DLG2: variants seen among roughly 807,000 people sequenced by gnomAD.
DLG2 encodes discs large MAGUK scaffold protein 2.
Under a neutral mutation model 132.5 loss-of-function variants are expected in DLG2, and 45 were observed. The observed-to-expected ratio is 0.34, with a 90% CI of 0.27 to 0.44. DLG2 has a LOEUF of 0.44. Among genes scored for constraint, DLG2 ranks in the 20% least tolerant of loss-of-function variants. The pLI, the probability that DLG2 is intolerant of heterozygous loss-of-function variation, is 1.00. For synonymous variants in DLG2, 424 were observed against 419.6 expected (o/e 1.01, Z -0.13); for missense variants, 1,045 against 1,196.9 (o/e 0.87, Z 1.87).
At chr11:83,769,603 G>A (rs1011702071) in intron 18 of DLG2, among the ~76,000 whole-genome samples, 3 of 140,086 alleles carry the variant, frequency 2.1e-5, no homozygotes, top group Admixed American at 7.8e-5. Context: ...CACTCTTGTC[G>A]CCCAGGCTGG....
At chr11:84,430,434 TCTC>T (rs1336375483) in intron 7 of DLG2, among the ~76,000 whole-genome samples, 1 of 116,272 alleles carries the variant, frequency 8.6e-6, no homozygotes. Context: ...GGAGACTCCA[TCTC>T]AAAAAAAAAA....
intron 3 of DLG2, among the ~76,000 whole-genome samples, chr11:85,400,800 G>A (rs1287645767): frequency 6.6e-6 from 1 of 151,630 alleles, no homozygotes; most frequent in East Asian, 1.9e-4. Flanking sequence ...GGGGAGAGGG[G>A]AGGGATAGCA....
chr11:85,448,641 C>T (rs1257788745), intron 3 of DLG2, among the ~76,000 whole-genome samples: 1 of 152,106 alleles, frequency 6.6e-6, no homozygotes, highest in African/African-American at 2.4e-5. Flanking sequence ...AATGAAATAT[C>T]CCACTCTTGT....
At chr11:83,998,951 G>A (rs11233872) in intron 11 of DLG2, among the ~76,000 whole-genome samples, 16,221 of 152,252 alleles carry the variant, frequency 0.11, 1,105 homozygotes, top group Non-Finnish European at 0.15. Context: ...ATTGGGGACT[G>A]AAGCATAAGT....
chr11:83,838,664 A>C (rs1311375318), intron 16 of DLG2, among the ~76,000 whole-genome samples: 1 of 152,190 alleles, frequency 6.6e-6, no homozygotes, highest in African/African-American at 2.4e-5. Context: ...CTGGCATTCC[A>C]TCAACACTAG....
chr11:83,573,100 A>C (rs747195457), intron 19 of DLG2, among the ~76,000 whole-genome samples: 1 of 152,180 alleles, frequency 6.6e-6, no homozygotes, highest in Non-Finnish European at 1.5e-5. Flanking sequence ...TGTTGGTCTA[A>C]CCTAATTAAT....
At chr11:83,916,600 G>A (rs1353705878) in intron 15 of DLG2, among the ~76,000 whole-genome samples, 1 of 152,160 alleles carries the variant, frequency 6.6e-6, no homozygotes, top group Non-Finnish European at 1.5e-5. Context: ...ACAGGCCTGA[G>A]CCACTGCACC....
chr11:85,601,605 C>T (rs1333214125), intron 2 of DLG2, among the ~76,000 whole-genome samples: 1 of 152,126 alleles, frequency 6.6e-6, no homozygotes, highest in South Asian at 2.1e-4. Flanking sequence ...TCCCAAAGCA[C>T]TGGGATTACA....
intron 18 of DLG2, among the ~76,000 whole-genome samples, chr11:83,643,345 A>G (rs1443109164): frequency 6.6e-6 from 1 of 152,202 alleles, no homozygotes; most frequent in Admixed American, 6.5e-5. Context: ...ATTAGGGCCT[A>G]GCTGCCAATG....
intron 3 of DLG2, among the ~76,000 whole-genome samples, chr11:85,305,527 T>A (rs546786235): frequency 2.0e-5 from 3 of 152,180 alleles, no homozygotes; most frequent in Admixed American, 6.5e-5. Context: ...TTATTTATTT[T>A]TTTGAGACAG....
intron 27 of DLG2, among the ~76,000 whole-genome samples, chr11:83,461,025 T>G (rs2089862283): frequency 2.2e-5 from 2 of 92,234 alleles, no homozygotes; most frequent in African/African-American, 8.4e-5. Context: ...TTTTTTTTTT[T>G]GAGACAGAAT....
chr11:85,116,409 A>T (rs635432), intron 5 of DLG2, among the ~76,000 whole-genome samples: 1 of 151,632 alleles, frequency 6.6e-6, no homozygotes, highest in African/African-American at 2.4e-5. Context: ...GATATAATAT[A>T]TATCTATATT....
intron 8 of DLG2, among the ~76,000 whole-genome samples, chr11:84,190,942 A>T (rs1193109284): frequency 6.6e-6 from 1 of 152,272 alleles, no homozygotes; most frequent in African/African-American, 2.4e-5. Flanking sequence ...TATTGCACAC[A>T]TCAAAATAAA....
chr11:85,027,396 G>T (rs2060628618), intron 6 of DLG2, among the ~76,000 whole-genome samples: 1 of 152,064 alleles, frequency 6.6e-6, no homozygotes, highest in Non-Finnish European at 1.5e-5. Context: ...GGACCCTTGG[G>T]ATGTCGATTT....
intron 6 of DLG2, among the ~76,000 whole-genome samples, chr11:84,986,265 C>G (rs536480526): frequency 3.3e-5 from 5 of 151,750 alleles, no homozygotes; most frequent in African/African-American, 4.8e-5. Flanking sequence ...AACTAGATAC[C>G]CTGAACAGAA....
intron 3 of DLG2, among the ~76,000 whole-genome samples, chr11:85,354,745 T>TCACACA (rs139924079): frequency 6.7e-6 from 1 of 149,214 alleles, no homozygotes; most frequent in Non-Finnish European, 1.5e-5. Flanking sequence ...TCTCTCTCTC[T>TCACACA]CACACACACA....
intron 6 of DLG2, among the ~76,000 whole-genome samples, chr11:84,936,437 A>T (rs1455103163): frequency 6.6e-6 from 1 of 152,144 alleles, no homozygotes; most frequent in Non-Finnish European, 1.5e-5. Flanking sequence ...TTTATGAAAA[A>T]ATTACTAAGC....
chr11:85,185,473 C>T lies in DLG2; in HGVS notation c.187-30822G>A, dbSNP rs2080026242. Among the ~76,000 whole-genome samples, 3 of 152,072 alleles carry T rather than the reference C, an allele frequency of 2.0e-5. No homozygotes were observed. In the South Asian group the frequency reaches 6.2e-4, roughly 31 times the overall value. On this transcript the variant is annotated intron_variant, in intron 4 of 27. Coordinates refer to ENST00000376104, the MANE Select transcript of DLG2 (RefSeq NM_001142699.3). ...AACTGGTTGTTTTGGACTAAATGTT[C>T]TAATGGCATCTGCAGTTTCTACAGA...
At chr11:83,658,695 A>G (rs1411566052) in intron 18 of DLG2, among the ~76,000 whole-genome samples, 1 of 152,214 alleles carries the variant, frequency 6.6e-6, no homozygotes, top group East Asian at 1.9e-4. Flanking sequence ...GTAACAATGA[A>G]CTTGGAAAAA....
Sources: gnomAD v4.1 joint callset for allele counts (sites outside exome capture counted in the v4.1 genomes callset) on GRCh38, gnomAD v4.1.1 for gene constraint, MANE v1.5 for transcripts, NCBI Gene and HGNC (gene_info 2026-07-23, HGNC 2026-07-21) for gene names.